The following HEG1 variants were observed in gnomAD, a reference collection of about 807,000 sequenced individuals.
The protein encoded by HEG1 is protein HEG homolog 1.
A neutral mutation model predicts 125.6 loss-of-function variants in HEG1; 56 were observed. That is an observed-to-expected ratio of 0.45 (90% confidence interval 0.36 to 0.56). The LOEUF (loss-of-function observed/expected upper bound fraction) is 0.56, where lower values mean the gene tolerates loss of function less well. Among genes scored for constraint, HEG1 ranks in the 20% least tolerant of loss-of-function variants. The probability of loss-of-function intolerance (pLI) is 0.00; values close to 1 mark genes in which losing one functional copy is unlikely to be tolerated. For synonymous variants in HEG1, 644 were observed against 668.5 expected (o/e 0.96, Z 0.57); for missense variants, 1,523 against 1,670.0 (o/e 0.91, Z 1.53).
intron 7 of HEG1, among the ~76,000 whole-genome samples, 165 bp downstream of exon 7, chr3:125,010,274 T>G (rs536750255): frequency 1.6e-4 from 24 of 152,334 alleles, no homozygotes; most frequent in African/African-American, 5.8e-4. Context: ...CTACAGTTCC[T>G]GACATTCTCC....
At chr3:125,034,448 T>C (rs187249128) in intron 1 of HEG1, among the ~76,000 whole-genome samples, 8 of 152,270 alleles carry the variant, frequency 5.3e-5, no homozygotes, top group South Asian at 2.1e-4. Context: ...AAAGTAATAA[T>C]TGAAATTTTA....
At chr3:125,037,098 A>T (rs904796656) in intron 1 of HEG1, among the ~76,000 whole-genome samples, 2 of 152,236 alleles carry the variant, frequency 1.3e-5, no homozygotes, top group Non-Finnish European at 2.9e-5. Context: ...ATAACATTTT[A>T]AAGGATTGAC....
rs556437920 is a variant in HEG1 at position 124,990,690 on chromosome 3, G to C, written c.3733+97C>G. The C allele has an allele frequency of 1.2e-3, 1,402 of 1,166,356 alleles. 1 individual carries two copies. Among genetic ancestry groups the C allele is most frequent in the Non-Finnish European group, 1.5e-3 (1,230 of 805,060 alleles). 72.3% of individuals were successfully genotyped at this position (1,166,356 alleles called of 1,614,324 possible). On this transcript the variant is annotated intron_variant, in intron 14 of 16. Transcript: ENST00000311127. ...GGCATAGAACCTAAGAAGACAGCAGGTGTGAACTGAGGGAAGTGGGAGGAG... is the reference window on the plus strand; with the variant it reads ...GGCATAGAACCTAAGAAGACAGCAGCTGTGAACTGAGGGAAGTGGGAGGAG...
intron 14 of HEG1, among the ~76,000 whole-genome samples, chr3:124,979,515 T>C (rs1417418376): frequency 2.0e-5 from 3 of 152,364 alleles, no homozygotes; most frequent in Non-Finnish European, 2.9e-5. Context: ...TGCTTTTATA[T>C]CTATGTATTT....
chr3:125,024,929 C>A (rs943091987), intron 3 of HEG1, among the ~76,000 whole-genome samples: 1 of 152,214 alleles, frequency 6.6e-6, no homozygotes, highest in Non-Finnish European at 1.5e-5. Flanking sequence ...CATCACTCAT[C>A]GGACTGGTGT....
At chr3:125,023,953 G>A (rs1055899656) in intron 3 of HEG1, among the ~76,000 whole-genome samples, 5 of 131,666 alleles carry the variant, frequency 3.8e-5, no homozygotes, top group Non-Finnish European at 8.3e-5. Flanking sequence ...AGAACTTGCC[G>A]AAAGTACAGC....
rs1560023635 is a variant in HEG1, at chr3:125,008,821, CAAAAACAAA to C, written c.3193+875_3193+883del. On this transcript the variant is annotated intron_variant, in intron 8 of 16. Coordinates refer to ENST00000311127, the MANE Select transcript of HEG1 (RefSeq NM_020733.2). Reference sequence around the variant, plus strand: ...CAAAAAAAACAAAAAACAAAAAACACAAAAACAAAAAACTCTGTATCTTTCATTTCTAAC... The same window carrying C: ...CAAAAAAAACAAAAAACAAAAAACACAAACTCTGTATCTTTCATTTCTAAC... 6.5e-4 allele frequency among the ~76,000 whole-genome samples: 10 copies of C among 15,416 alleles called. No homozygotes were observed. In the East Asian group the frequency reaches 0.018, roughly 27 times the overall value. 10.1% of individuals were successfully genotyped at this position (15,416 alleles called of 152,430 possible). A position where few individuals can be genotyped will look rare whatever the true frequency, so the allele number is the denominator to read the frequency against.
chr3:125,052,965 G>A (rs1937846303), intron 1 of HEG1, among the ~76,000 whole-genome samples: 1 of 152,230 alleles, frequency 6.6e-6, no homozygotes, highest in Non-Finnish European at 1.5e-5. Context: ...GCTGACATCA[G>A]TGTATTTGGA....
At chr3:125,048,342 T>C (rs541654992) in intron 1 of HEG1, among the ~76,000 whole-genome samples, 9 of 152,326 alleles carry the variant, frequency 5.9e-5, no homozygotes, top group Non-Finnish European at 1.3e-4. Flanking sequence ...CCACGGCACC[T>C]AGAGGAAAAT....
rs565291346 is a variant in HEG1, at chr3:125,012,737, G to T, written c.2842C>A (p.Pro948Thr). ...SPASRSLGTS[P>T]SPQTTVVSTA... ...GAAACAACTGTGGTTTGGGGAGAAG[G>T]AGATGTTCCGAGGGAACGTGAAGCT... The change falls in exon 6 of 17, where the codon CCT becomes ACT. Residue 948 changes from proline to threonine, a missense_variant. Coordinates refer to ENST00000311127, the MANE Select transcript of HEG1 (RefSeq NM_020733.2). 6.2e-7 allele frequency: 1 copy of T among 1,613,892 alleles called. No individual in the cohort carries two copies. The highest frequency in any genetic ancestry group is 8.5e-7 in the Non-Finnish European group (1 of 1,179,888).
chr3:125,023,476 A>G (rs1015080598), intron 3 of HEG1, among the ~76,000 whole-genome samples: 1 of 152,220 alleles, frequency 6.6e-6, no homozygotes, highest in Non-Finnish European at 1.5e-5. Context: ...TTACTGACCA[A>G]TTATGACTTG....
At chr3:124,983,668 C>T (rs529831404) in intron 14 of HEG1, among the ~76,000 whole-genome samples, 4 of 152,202 alleles carry the variant, frequency 2.6e-5, no homozygotes, top group African/African-American at 7.2e-5. Flanking sequence ...CATTCCTCCT[C>T]CATCTCTGTT....
intron 8 of HEG1, chr3:125,009,502 T>C (rs1937119562): frequency 2.4e-6 from 1 of 412,000 alleles, no homozygotes; most frequent in Non-Finnish European, 4.4e-6. Context: ...AAAAATATAC[T>C]GCACATCAAA....
intron 1 of HEG1, among the ~76,000 whole-genome samples, chr3:125,046,454 T>C (rs1467841613): frequency 1.3e-5 from 2 of 151,480 alleles, no homozygotes; most frequent in Non-Finnish European, 2.9e-5. Context: ...TTTTTAATTA[T>C]ACAGATGAGG....
At chr3:124,970,950 T>G in intron 16 of HEG1, 149 bp from the exon 17 acceptor site, 1 of 716,746 alleles carries the variant, frequency 1.4e-6, no homozygotes, top group Admixed American at 2.8e-5. Context: ...CTAATTTTTT[T>G]AAAGTATCTT....
chr3:125,010,558 A>G lies in HEG1; in HGVS notation c.2957-3T>C, dbSNP rs1179466993. On this transcript the variant is annotated splice_region_variant and splice_polypyrimidine_tract_variant and intron_variant, in intron 6 of 16. Transcript: ENST00000311127. ...AGGGTTCACAGCACAGCTGTTGACTACAAACACATTCCAGGAGTAAAGCAG... is the reference window on the plus strand; with the variant it reads ...AGGGTTCACAGCACAGCTGTTGACTGCAAACACATTCCAGGAGTAAAGCAG... 2.6e-6 allele frequency: 4 copies of G among 1,535,716 alleles called. No homozygotes were observed. Among genetic ancestry groups the G allele is most frequent in the Non-Finnish European group, 2.6e-6 (3 of 1,133,318 alleles).
At chr3:124,980,396 AC>A (rs1220519662) in intron 14 of HEG1, among the ~76,000 whole-genome samples, 2 of 152,170 alleles carry the variant, frequency 1.3e-5, no homozygotes, top group Non-Finnish European at 2.9e-5. Context: ...TTTAGAAGTG[AC>A]CCTTTCAAGT....
In HEG1 at chr3:124,969,029, G is replaced by A. The variant is rs1299595039; in HGVS notation, c.*1623C>T. 1.3e-5 allele frequency: 2 copies of A among 152,184 alleles called. No individual in the cohort carries two copies. The highest frequency in any genetic ancestry group is 2.9e-5 in the Non-Finnish European group (2 of 68,072). 9.4% of individuals were successfully genotyped at this position (152,184 alleles called of 1,614,324 possible). ...GGAGTTCTTGCTTAAAACCATCAGG[G>A]CCAAGGATTATGTAAGAATAGGGAT... On this transcript the variant is annotated 3_prime_UTR_variant, in exon 17 of 17. Coordinates refer to ENST00000311127, the MANE Select transcript of HEG1 (RefSeq NM_020733.2).
chr3:124,989,607 C>T (rs894070603), intron 14 of HEG1, among the ~76,000 whole-genome samples: 21 of 152,178 alleles, frequency 1.4e-4, no homozygotes, highest in Admixed American at 1.0e-3. Flanking sequence ...TCTCCAAGAA[C>T]TGGATTAGGT....
Sources: gnomAD v4.1 joint callset for allele counts (sites outside exome capture counted in the v4.1 genomes callset) on GRCh38, gnomAD v4.1.1 for gene constraint, MANE v1.5 for transcripts, NCBI Gene and HGNC (gene_info 2026-07-23, HGNC 2026-07-21) for gene names.